RPS6KA2: variants seen among roughly 807,000 people sequenced by gnomAD.
RPS6KA2 encodes ribosomal protein S6 kinase A2, also known as ribosomal protein S6 kinase alpha-2.
RPS6KA2 carries 42 observed loss-of-function variants against 91.8 expected under a neutral mutation model. The ratio of observed to expected loss-of-function variants is 0.46; its 90% CI spans 0.36 to 0.59. RPS6KA2 has a LOEUF of 0.59. Among genes scored for constraint, RPS6KA2 ranks in the 20% least tolerant of loss-of-function variants. RPS6KA2 has a pLI of 0.00. For synonymous variants in RPS6KA2, 414 were observed against 393.6 expected (o/e 1.05, Z -0.61); for missense variants, 798 against 978.5 (o/e 0.82, Z 2.46).
intron 7 of RPS6KA2, among the ~76,000 whole-genome samples, chr6:166,499,010 GT>G (rs1444985295): frequency 2.0e-5 from 3 of 152,190 alleles, no homozygotes; most frequent in African/African-American, 7.2e-5. Context: ...GGGACCTGGG[GT>G]GGAAGGCAGG....
At chr6:166,634,286 G>A (rs1272184056) in intron 2 of RPS6KA2, among the ~76,000 whole-genome samples, 1 of 152,184 alleles carries the variant, frequency 6.6e-6, no homozygotes, top group Non-Finnish European at 1.5e-5. Context: ...GCAAGAGGCC[G>A]AGGTGGGCAG....
At position 166,493,100 on chromosome 6, in the gene RPS6KA2, C is replaced by G. The variant is rs539317327; in HGVS notation, c.748-2359G>C. Among the ~76,000 whole-genome samples the G allele has an allele frequency of 6.6e-6, 1 of 152,120 alleles. No homozygotes were observed. The highest frequency in any genetic ancestry group is 1.5e-5 in the Non-Finnish European group (1 of 68,018). ...AGGGTCCACTGCTTTGTGGTTCTCT[C>G]TCTTCCTCCCCTTCTTCCTCCATCC... On this transcript the variant is annotated intron_variant, in intron 8 of 20. Transcript: ENST00000265678. This position sits in a 1 kb window ranked among gnomAD's most constrained non-coding sequence, Gnocchi z 4.7.
At chr6:166,801,211 T>C (rs1779356895) in intron 2 of RPS6KA2, among the ~76,000 whole-genome samples, 1 of 152,158 alleles carries the variant, frequency 6.6e-6, no homozygotes, top group Admixed American at 6.5e-5. Flanking sequence ...AAAAGTTTAA[T>C]TGATAAAGCT....
intron 2 of RPS6KA2, among the ~76,000 whole-genome samples, chr6:166,692,483 C>G (rs1037900497): frequency 6.6e-6 from 1 of 152,126 alleles, no homozygotes; most frequent in Non-Finnish European, 1.5e-5. Flanking sequence ...AGCAGACGCT[C>G]TGCTGAGCAG....
intron 10 of RPS6KA2, among the ~76,000 whole-genome samples, chr6:166,474,143 T>G (rs975651946): frequency 6.6e-6 from 1 of 151,858 alleles, no homozygotes; most frequent in African/African-American, 2.4e-5. Flanking sequence ...GGGCTGGTTG[T>G]GAGGGTGGGG....
chr6:166,564,732 CTG>C (rs1306548975), intron 1 of RPS6KA2, among the ~76,000 whole-genome samples: 1 of 152,152 alleles, frequency 6.6e-6, no homozygotes, highest in Non-Finnish European at 1.5e-5. Context: ...TCTAGAAAAA[CTG>C]GGAACTTTCT....
chr6:166,839,686 A>G lies in RPS6KA2; in HGVS notation c.123+18514T>C, dbSNP rs1780411533. On this transcript the variant is annotated intron_variant, in intron 2 of 21. Coordinates refer to the RPS6KA2 transcript ENST00000503859. ...AGGGAGGTGGAAATCAGAGCAGGAG[A>G]GGAGAGGGGAGGAGAGGAGAGGAGA... Among the ~76,000 whole-genome samples the G allele has an allele frequency of 9.2e-5, 5 of 54,386 alleles. 1 individual carries two copies. Among genetic ancestry groups the G allele is most frequent in the African/African-American group, 2.5e-4 (3 of 12,222 alleles). The allele number at this position is 54,386 out of a possible 152,430, so 35.7% of individuals were successfully genotyped here. A position where few individuals can be genotyped will look rare whatever the true frequency, so the allele number is the denominator to read the frequency against.
At position 166,412,122 on chromosome 6, in the gene RPS6KA2, ACTC is replaced by A. The variant is rs951897493; in HGVS notation, c.*637_*639del. ...CTGCCTTCCTCTCGTCTGGGCTCTT[ACTC>A]CTCATTTGAATCTGGGACAGAGGAA... On this transcript the variant is annotated 3_prime_UTR_variant, in exon 21 of 21. Transcript: ENST00000265678. This position sits in a 1 kb window ranked among gnomAD's most constrained non-coding sequence, Gnocchi z 4.3. 7.2e-5 allele frequency: 11 copies of A among 152,284 alleles called. No homozygotes were observed. Among genetic ancestry groups the A allele is most frequent in the African/African-American group, 2.7e-4 (11 of 41,294 alleles). 9.4% of individuals were successfully genotyped at this position (152,284 alleles called of 1,614,324 possible). A position where few individuals can be genotyped will look rare whatever the true frequency, so the allele number is the denominator to read the frequency against.
At chr6:166,824,209 C>T (rs963693780) in intron 2 of RPS6KA2, among the ~76,000 whole-genome samples, 1 of 152,082 alleles carries the variant, frequency 6.6e-6, no homozygotes, top group Admixed American at 6.5e-5. Context: ...TGTATAAGGA[C>T]GTCATAGCAA....
At chr6:166,764,933 G>C (rs575730290) in intron 2 of RPS6KA2, among the ~76,000 whole-genome samples, 17 of 152,364 alleles carry the variant, frequency 1.1e-4, no homozygotes, top group African/African-American at 3.8e-4. Flanking sequence ...CAGCCTTGAC[G>C]TTATCTCTAC....
At chr6:166,462,003 G>A (rs1445897397) in intron 11 of RPS6KA2, among the ~76,000 whole-genome samples, 1 of 152,212 alleles carries the variant, frequency 6.6e-6, no homozygotes, top group Non-Finnish European at 1.5e-5. Context: ...ACCGCTGCAG[G>A]CTCCCAAGGG....
At chr6:166,475,939 C>T in intron 10 of RPS6KA2, 1 of 431,026 alleles carries the variant, frequency 2.3e-6, no homozygotes. Flanking sequence ...AATATCTGTG[C>T]AGAAACTCTG....
At position 166,423,480 on chromosome 6, in the gene RPS6KA2, G is replaced by A; in HGVS notation, c.1582-63C>T. Reference sequence around the variant, plus strand: ...AGGACTGAGCAGGAGAGGGAGGGCAGGTGCATTTGGAGGGGAGGGTGCATT... The same window carrying A: ...AGGACTGAGCAGGAGAGGGAGGGCAAGTGCATTTGGAGGGGAGGGTGCATT... On this transcript the variant is annotated intron_variant, in intron 16 of 20. Transcript: ENST00000265678. This position sits in a 1 kb window ranked among gnomAD's most constrained non-coding sequence, Gnocchi z 4.8. 6.6e-7 allele frequency: 1 copy of A among 1,509,560 alleles called. No individual in the cohort carries two copies. The highest frequency in any genetic ancestry group is 1.9e-5 in the Admixed American group (1 of 53,116). 93.5% of individuals were successfully genotyped at this position (1,509,560 alleles called of 1,614,324 possible). A position where few individuals can be genotyped will look rare whatever the true frequency, so the allele number is the denominator to read the frequency against.
chr6:166,451,304 G>A, intron 12 of RPS6KA2, 71 bp from the exon 13 acceptor site: 1 of 1,564,706 alleles, frequency 6.4e-7, no homozygotes, highest in Non-Finnish European at 8.8e-7. Context: ...GATAGTGTGT[G>A]TGTGCATGTG....
At chr6:166,859,471 A>C (rs1183963964) in intron 1 of RPS6KA2, among the ~76,000 whole-genome samples, 1 of 152,220 alleles carries the variant, frequency 6.6e-6, no homozygotes, top group Non-Finnish European at 1.5e-5. Flanking sequence ...AATTCATGAA[A>C]TACTACATGT....
intron 11 of RPS6KA2, among the ~76,000 whole-genome samples, chr6:166,465,553 G>A (rs538719076): frequency 9.3e-4 from 142 of 152,182 alleles, no homozygotes; most frequent in African/African-American, 3.3e-3. Flanking sequence ...AGACCATCAC[G>A]GAGCGGGACT....
intron 10 of RPS6KA2, among the ~76,000 whole-genome samples, chr6:166,484,477 C>A (rs1362128115): frequency 6.6e-6 from 1 of 152,192 alleles, no homozygotes; most frequent in African/African-American, 2.4e-5. Context: ...TTCCAGTCAA[C>A]AAGAAGTACA....
rs146232668 is a variant in RPS6KA2, at chr6:166,513,157, C to T, written c.299-2800G>A. Among the ~76,000 whole-genome samples the T allele has an allele frequency of 2.1e-3, 320 of 152,324 alleles. 2 individuals are homozygous for T. The highest frequency in any genetic ancestry group is 7.4e-3 in the African/African-American group (306 of 41,564). ...TGGGTTGGGCTGCATTAAAAGCTAT[C>T]CTGGGCCCCATGTAGCCCACAAGCT... On this transcript the variant is annotated intron_variant, in intron 3 of 20. Coordinates refer to ENST00000265678, the MANE Select transcript of RPS6KA2 (RefSeq NM_021135.6).
At chr6:166,643,535 C>T (rs1385522144) in intron 2 of RPS6KA2, among the ~76,000 whole-genome samples, 2 of 152,116 alleles carry the variant, frequency 1.3e-5, no homozygotes, top group Non-Finnish European at 2.9e-5. Context: ...CTTACATGCA[C>T]CAAATAATAT....
Sources: allele counts gnomAD v4.1 joint callset (sites outside exome capture counted in the v4.1 genomes callset), GRCh38; gene constraint gnomAD v4.1.1; non-coding constraint Gnocchi (gnomAD v3.1); transcripts MANE v1.5; gene names NCBI Gene and HGNC (gene_info 2026-07-23, HGNC 2026-07-21).